Variants in HELLS observed in about 807,000 individuals in gnomAD.
The protein encoded by HELLS is helicase, lymphoid specific.
In HELLS, 32 loss-of-function variants were observed where a neutral mutation model predicts 120.0. The observed-to-expected ratio is 0.27, with a 90% CI of 0.20 to 0.36. The LOEUF (loss-of-function observed/expected upper bound fraction) is 0.36, where lower values mean the gene tolerates loss of function less well. Among genes scored for constraint, HELLS ranks in the 10% least tolerant of loss-of-function variants. The pLI, the probability that HELLS is intolerant of heterozygous loss-of-function variation, is 1.00. For synonymous variants in HELLS, 341 were observed against 323.4 expected (o/e 1.05, Z -0.58); for missense variants, 650 against 993.4 (o/e 0.65, Z 4.65).
chr10:94,547,649 C>T (rs778042053), intron 2 of HELLS, among the ~76,000 whole-genome samples: 1 of 152,138 alleles, frequency 6.6e-6, no homozygotes, highest in South Asian at 2.1e-4. Context: ...ATTAAACTTA[C>T]TAGTTTAATT....
chr10:94,583,569 T>C (rs766248096), intron 12 of HELLS, among the ~76,000 whole-genome samples: 2 of 152,136 alleles, frequency 1.3e-5, no homozygotes, highest in Non-Finnish European at 2.9e-5. Flanking sequence ...AGTTTATACA[T>C]GTTCATGAGA....
chr10:94,605,084 C>CA (rs1491569693), downstream of HELLS, among the ~76,000 whole-genome samples: 157 of 104,306 alleles, frequency 1.5e-3, 1 homozygote, highest in Non-Finnish European at 2.6e-3. Context: ...CCCCCCCCCC[C>CA]CTTTTTTTTT....
intron 10 of HELLS, chr10:94,577,387 C>T (rs903192845): frequency 3.7e-5 from 8 of 219,172 alleles, no homozygotes; most frequent in Non-Finnish European, 6.4e-5. Context: ...CTTTCTCTGG[C>T]CATGTGAGAA....
rs538176624 is a variant in HELLS at position 94,552,175 on chromosome 10, G to C, written c.154-1951G>C. Among the ~76,000 whole-genome samples, 11 of 152,322 alleles carry C rather than the reference G, an allele frequency of 7.2e-5. No individual in the cohort carries two copies. The East Asian group carries it at 1.9e-3, about 27-fold the overall frequency. The stretch of plus-strand genomic sequence containing the variant: ...TGTTTTTACTAATCCTTGTTGAAAA[G>C]TAGAGGAATTGGTTTAGTTGAGAAA... On this transcript the variant is annotated intron_variant, in intron 2 of 21. Coordinates refer to ENST00000348459, the MANE Select transcript of HELLS (RefSeq NM_018063.5).
At chr10:94,603,866 C>T (rs768400406), downstream of HELLS, among the ~76,000 whole-genome samples, 4 of 151,922 alleles carry the variant, frequency 2.6e-5, no homozygotes, top group East Asian at 1.9e-4. Context: ...CTCGCACTGT[C>T]GCCCAGGCTG....
chr10:94,599,178 T>G (rs539982845), intron 21 of HELLS, among the ~76,000 whole-genome samples: 27 of 152,176 alleles, frequency 1.8e-4, no homozygotes, highest in Non-Finnish European at 3.5e-4. Context: ...GGGAGAAATA[T>G]GAGACATACA....
intron 3 of HELLS, chr10:94,557,121 T>TA (rs1843309243): frequency 2.8e-6 from 1 of 356,358 alleles, no homozygotes; most frequent in South Asian, 2.1e-5. Context: ...GTTCTTCCCA[T>TA]TGCACTTTTC....
intron 9 of HELLS, among the ~76,000 whole-genome samples, chr10:94,576,417 G>A (rs1272233102): frequency 6.6e-6 from 1 of 151,922 alleles, no homozygotes; most frequent in East Asian, 1.9e-4. Flanking sequence ...TTCCCAAAGT[G>A]TTGAGATTAT....
chr10:94,576,894 T>C lies in HELLS; in HGVS notation c.1032+89T>C. On this transcript the variant is annotated intron_variant, in intron 10 of 21. Coordinates refer to ENST00000348459, the MANE Select transcript of HELLS (RefSeq NM_018063.5). ...CTTTCTCACCATCTGGGAGCATTTGTCTAATTTTTTTTTGTTGTCGAAATA... is the reference window on the plus strand; with the variant it reads ...CTTTCTCACCATCTGGGAGCATTTGCCTAATTTTTTTTTGTTGTCGAAATA... 3 of 1,256,318 alleles carry C rather than the reference T, an allele frequency of 2.4e-6. No individual in the cohort carries two copies. In the South Asian group the frequency reaches 4.6e-5, roughly 19 times the overall value. 77.8% of individuals were successfully genotyped at this position (1,256,318 alleles called of 1,614,324 possible).
chr10:94,563,513 G>T (rs1843653188), intron 6 of HELLS, among the ~76,000 whole-genome samples: 1 of 151,126 alleles, frequency 6.6e-6, no homozygotes, highest in Admixed American at 6.6e-5. Flanking sequence ...TTGAGGCAGG[G>T]TATCACTCTG....
intron 1 of HELLS, 26 bp downstream of exon 1, chr10:94,545,978 C>G (rs770240498): frequency 6.4e-7 from 1 of 1,553,514 alleles, no homozygotes; most frequent in Non-Finnish European, 8.7e-7. Context: ...CTTTTGGGCG[C>G]GGGTGGCAGC....
chr10:94,601,601 C>A lies in HELLS; in HGVS notation c.2496C>A (p.Ser832=). Reference sequence around the variant, plus strand: ...AGATATTAGAAAATTCTGAAGATTCCAGTCCTGAATGTTTGTTTTAAAGTG... The same window carrying A: ...AGATATTAGAAAATTCTGAAGATTCAAGTCCTGAATGTTTGTTTTAAAGTG... ...IFKILENSED[S]SPECLF is the part of the protein sequence containing the mutation. The change falls in exon 22 of 22, where the codon TCC becomes TCA. Residue 832 remains serine (S), a synonymous_variant. Transcript: ENST00000348459. 1 of 1,571,190 alleles carries A rather than the reference C, an allele frequency of 6.4e-7. No individual in the cohort carries two copies. Among genetic ancestry groups the A allele is most frequent in the South Asian group, 1.1e-5 (1 of 87,712 alleles).
chr10:94,546,045 C>G (rs1842739616), intron 1 of HELLS, 93 bp downstream of exon 1: 2 of 1,411,362 alleles, frequency 1.4e-6, no homozygotes, highest in Non-Finnish European at 2.0e-6. Context: ...GGGAGGGAGC[C>G]GACCCCGGGC....
chr10:94,578,726 G>T (rs1844650145), intron 10 of HELLS, among the ~76,000 whole-genome samples: 2 of 152,128 alleles, frequency 1.3e-5, no homozygotes, highest in Admixed American at 1.3e-4. Context: ...ACATAACGTA[G>T]AATCAGTGGT....
At chr10:94,556,331 A>T (rs1843262774) in intron 3 of HELLS, among the ~76,000 whole-genome samples, 1 of 152,128 alleles carries the variant, frequency 6.6e-6, no homozygotes, top group East Asian at 1.9e-4. Flanking sequence ...ATTCTTGCAC[A>T]TATGCACTCT....
chr10:94,552,407 C>T (rs933726688), intron 2 of HELLS, among the ~76,000 whole-genome samples: 1 of 152,198 alleles, frequency 6.6e-6, no homozygotes, highest in African/African-American at 2.4e-5. Flanking sequence ...TTTCTGCTCT[C>T]ATTTATCCAT....
intron 2 of HELLS, among the ~76,000 whole-genome samples, chr10:94,553,410 T>TG: frequency 6.7e-6 from 1 of 149,756 alleles, no homozygotes; most frequent in East Asian, 2.0e-4. Context: ...CACCACGTCC[T>TG]GCTAATTTTT....
intron 21 of HELLS, among the ~76,000 whole-genome samples, chr10:94,601,203 A>G (rs1017546128): frequency 1.3e-5 from 2 of 152,188 alleles, no homozygotes; most frequent in Non-Finnish European, 2.9e-5. Flanking sequence ...TTCTGACAAC[A>G]TGATTCAAAT....
intron 11 of HELLS, among the ~76,000 whole-genome samples, chr10:94,581,908 A>T (rs1308217875): frequency 6.6e-6 from 1 of 152,212 alleles, no homozygotes; most frequent in African/African-American, 2.4e-5. Context: ...AGTTGTTACA[A>T]GATAAGACTA....
Sources: allele counts gnomAD v4.1 joint callset (sites outside exome capture counted in the v4.1 genomes callset), GRCh38; gene constraint gnomAD v4.1.1; transcripts MANE v1.5; gene names NCBI Gene and HGNC (gene_info 2026-07-23, HGNC 2026-07-21).